The following ZC3H12B variants were observed in gnomAD, a reference collection of about 807,000 sequenced individuals.
ZC3H12B encodes zinc finger CCCH-type containing 12B.
A neutral mutation model predicts 43.9 loss-of-function variants in ZC3H12B; 7 were observed. The ratio of observed to expected loss-of-function variants is 0.16; its 90% CI spans 0.09 to 0.30. ZC3H12B has a LOEUF of 0.30. ZC3H12B is among the 10% of genes least tolerant of loss of function. The pLI is 1.00. For synonymous variants in ZC3H12B, 222 were observed against 241.7 expected, an observed-to-expected ratio of 0.92 and a Z score of 0.76; for missense variants, 475 against 670.2, an observed-to-expected ratio of 0.71 and a Z score of 3.22.
At chrX:65,406,773 G>C (rs1181271708) in intron 3 of ZC3H12B, among the ~76,000 whole-genome samples, 7 of 112,433 alleles carry the variant, frequency 6.2e-5, no homozygotes. Flanking sequence ...CGGGTACTCT[G>C]TGCTCTGCGT....
chrX:65,507,399 AC>A (rs1276941558), exon 5 of ZC3H12B: 1 of 112,442 alleles, frequency 8.9e-6, no homozygotes, highest in Non-Finnish European at 1.9e-5. Context: ...TTGGAAACAA[AC>A]AAGTGTATTT....
At position 65,442,781 on chromosome X, in the gene ZC3H12B, A is replaced by G. The variant is rs191341613; in HGVS notation, n.407+44077A>G. On this transcript the variant is annotated intron_variant and non_coding_transcript_variant, in intron 3 of 5. Transcript: ENST00000617377. ...TTGTTTTAATTTTTTGAGTAATTTA[A>G]AAGGAAAAGGCTCAAATGTAGCTGT... Among the ~76,000 whole-genome samples the G allele has an allele frequency of 1.1e-3, 122 of 112,327 alleles. 3 individuals carry two copies. The South Asian group carries it at 0.044, about 41-fold the overall frequency.
chrX:65,444,349 G>A (rs980721542), intron 3 of ZC3H12B, among the ~76,000 whole-genome samples: 2 of 111,975 alleles, frequency 1.8e-5, no homozygotes, highest in African/African-American at 6.5e-5. Context: ...TGAACCTGGT[G>A]GGAGGTTATC....
At chrX:65,308,820 C>T in the ZC3H12B span, among the ~76,000 whole-genome samples, 2 of 112,003 alleles carry the variant, frequency 1.8e-5, no homozygotes, top group African/African-American at 6.5e-5. Context: ...AATTAGAACT[C>T]AGAATTAAGA....
At chrX:65,293,773 G>A in the ZC3H12B span, among the ~76,000 whole-genome samples, 1 of 111,089 alleles carries the variant, frequency 9.0e-6, no homozygotes, top group African/African-American at 3.3e-5. Flanking sequence ...TCGAAGACAA[G>A]GCTTTTGAAT....
intron 3 of ZC3H12B, among the ~76,000 whole-genome samples, chrX:65,449,119 A>G (rs1044514175): frequency 9.0e-6 from 1 of 110,559 alleles, no homozygotes; most frequent in Non-Finnish European, 1.9e-5. Context: ...TTATGGACAC[A>G]TGGTGGGGAA....
intron 3 of ZC3H12B, among the ~76,000 whole-genome samples, chrX:65,406,791 G>A (rs1222908438): frequency 8.9e-6 from 1 of 112,517 alleles, no homozygotes; most frequent in Non-Finnish European, 1.9e-5. Context: ...CGTCCCGGAG[G>A]CAGCCGACTG....
intron 3 of ZC3H12B, among the ~76,000 whole-genome samples, chrX:65,420,907 G>A (rs928405828): frequency 5.3e-5 from 6 of 112,346 alleles, no homozygotes; most frequent in Non-Finnish European, 9.4e-5. Flanking sequence ...TTCAGCTATT[G>A]ATCAGGCAAA....
the ZC3H12B span, among the ~76,000 whole-genome samples, chrX:65,204,737 T>G: frequency 8.9e-6 from 1 of 112,234 alleles, no homozygotes; most frequent in African/African-American, 3.2e-5. Context: ...ACATGCATCA[T>G]CAATGTTAAC....
At chrX:65,159,687 A>G in the ZC3H12B span, among the ~76,000 whole-genome samples, 204 of 112,047 alleles carry the variant, frequency 1.8e-3, 6 homozygotes, top group South Asian at 0.074. Context: ...TTTTCTAGAT[A>G]TACAATCATG....
At chrX:65,146,939 C>T in the ZC3H12B span, among the ~76,000 whole-genome samples, 29 of 111,884 alleles carry the variant, frequency 2.6e-4, no homozygotes, top group Admixed American at 9.5e-4. Flanking sequence ...TTTATTCTTG[C>T]AGCTGTTCTG....
the ZC3H12B span, among the ~76,000 whole-genome samples, chrX:65,327,286 T>C: frequency 9.0e-6 from 1 of 111,549 alleles, no homozygotes; most frequent in Non-Finnish European, 1.9e-5. Context: ...TATATCTGTA[T>C]CTACATATCG....
At chrX:65,395,019 G>T (rs1397902666) in intron 2 of ZC3H12B, among the ~76,000 whole-genome samples, 1 of 111,235 alleles carries the variant, frequency 9.0e-6, no homozygotes, top group African/African-American at 3.3e-5. Flanking sequence ...GTCTATTATT[G>T]GTGTATAGGA....
intron 3 of ZC3H12B, among the ~76,000 whole-genome samples, chrX:65,406,601 GCTGGGCGGGGCTGGGCGGGA>G (rs2066827490): frequency 3.2e-5 from 3 of 94,743 alleles, no homozygotes; most frequent in East Asian, 6.8e-4. Flanking sequence ...GCTGGGCGGG[GCTGGGCGGGGCTGGGCGGGA>G]CTGGGCGGGG....
At chrX:65,347,506 C>T in the ZC3H12B span, among the ~76,000 whole-genome samples, 22 of 112,152 alleles carry the variant, frequency 2.0e-4, no homozygotes, top group African/African-American at 7.1e-4. Flanking sequence ...CACTGGCCAT[C>T]AGAGAAATGC....
At chrX:65,502,362 T>A (rs771638537) in exon 5 of ZC3H12B, 2 of 1,211,552 alleles carry the variant, frequency 1.7e-6, no homozygotes, top group East Asian at 5.9e-5. Context: ...TTCTCCAAAC[T>A]GAACATCAAC....
chrX:65,473,494 G>A (rs762109546), intron 3 of ZC3H12B, among the ~76,000 whole-genome samples: 8 of 111,686 alleles, frequency 7.2e-5, no homozygotes, highest in Non-Finnish European at 1.5e-4. Flanking sequence ...GCTCACTTTG[G>A]GTAGTATGGA....
the ZC3H12B span, among the ~76,000 whole-genome samples, chrX:65,158,727 G>A: frequency 3.9e-4 from 44 of 111,689 alleles, no homozygotes; most frequent in African/African-American, 1.4e-3. Flanking sequence ...TGCATTGCCT[G>A]TTCACTCTGA....
At chrX:65,122,120 C>G in the ZC3H12B span, among the ~76,000 whole-genome samples, 2 of 110,747 alleles carry the variant, frequency 1.8e-5, no homozygotes, top group African/African-American at 6.6e-5. Flanking sequence ...GAATGTATAT[C>G]CTGTTGATTT....
Sources: gnomAD v4.1 joint callset for allele counts (sites outside exome capture counted in the v4.1 genomes callset) on GRCh38, gnomAD v4.1.1 for gene constraint, MANE v1.5 for transcripts, NCBI Gene and HGNC (gene_info 2026-07-23, HGNC 2026-07-21) for gene names.